The following GOLM1 variants were observed in gnomAD, a reference collection of about 807,000 sequenced individuals.
The protein encoded by GOLM1 is epididymis luminal protein 46.
Under a neutral mutation model 50.5 loss-of-function variants are expected in GOLM1, and 31 were observed. The ratio of observed to expected loss-of-function variants is 0.61; its 90% CI spans 0.46 to 0.83. The LOEUF (loss-of-function observed/expected upper bound fraction) is 0.83, where lower values mean the gene tolerates loss of function less well. Among genes scored for constraint, GOLM1 ranks in the 40% least tolerant of loss-of-function variants. The pLI, the probability that GOLM1 is intolerant of heterozygous loss-of-function variation, is 0.00. For synonymous variants in GOLM1, 178 were observed against 192.8 expected, an observed-to-expected ratio of 0.92 and a Z score of 0.64; for missense variants, 491 against 501.3, an observed-to-expected ratio of 0.98 and a Z score of 0.20.
chr9:86,026,618 G>A lies in GOLM1; in HGVS notation c.*1199C>T, dbSNP rs1587687406. ...GATCCTCCTACTTACCCCTTAGAGA[G>A]CCTTACTGGGAAGTCAGTCATTAAT... On this transcript the variant is annotated 3_prime_UTR_variant, in exon 10 of 10. Coordinates refer to ENST00000388712, the MANE Select transcript of GOLM1 (RefSeq NM_016548.4). The A allele has an allele frequency of 1.0e-6, 1 of 983,026 alleles. No individual in the cohort carries two copies. Among genetic ancestry groups the A allele is most frequent in the Non-Finnish European group, 1.2e-6 (1 of 827,794 alleles). The allele number at this position is 983,026 out of a possible 1,614,324, so 60.9% of individuals were successfully genotyped here.
intron 3 of GOLM1, among the ~76,000 whole-genome samples, chr9:86,061,177 A>AAC (rs773745249): frequency 2.6e-5 from 4 of 152,188 alleles, no homozygotes; most frequent in Non-Finnish European, 5.9e-5. Context: ...ACAATCAGCC[A>AAC]ACACACACAG....
At chr9:86,073,914 G>A (rs745844114) in intron 3 of GOLM1, among the ~76,000 whole-genome samples, 5 of 152,134 alleles carry the variant, frequency 3.3e-5, no homozygotes, top group African/African-American at 4.8e-5. Context: ...ATCAGACAGG[G>A]CCTACCCAAA....
chr9:86,040,718 T>A, intron 6 of GOLM1, 21 bp downstream of exon 6: 1 of 1,603,842 alleles, frequency 6.2e-7, no homozygotes, highest in South Asian at 1.1e-5. Context: ...TAGAAACTCT[T>A]GGCAAAAATT....
In GOLM1 at chr9:86,026,565, C is replaced by T; in HGVS notation, c.*1252G>A. 2 of 918,162 alleles carry T rather than the reference C, an allele frequency of 2.2e-6. No homozygotes were observed. Among genetic ancestry groups the T allele is most frequent in the Non-Finnish European group, 2.6e-6 (2 of 768,610 alleles). 56.9% of individuals were successfully genotyped at this position (918,162 alleles called of 1,614,324 possible). ...ATAAGAGGGTTGGATCAAACGATCT[C>T]TGGGGCCTTAGCATCTCAAATCCTG... is the stretch of plus-strand genomic sequence containing the variant. On this transcript the variant is annotated 3_prime_UTR_variant, in exon 10 of 10. Transcript: ENST00000388712.
chr9:86,065,781 C>T (rs1834291428), intron 3 of GOLM1, among the ~76,000 whole-genome samples: 1 of 152,186 alleles, frequency 6.6e-6, no homozygotes, highest in Non-Finnish European at 1.5e-5. Context: ...GTGGCACACA[C>T]CTGTAACCCC....
chr9:86,027,592 A>G lies in GOLM1; in HGVS notation c.*225T>C. On this transcript the variant is annotated 3_prime_UTR_variant, in exon 10 of 10. Transcript: ENST00000388712. ...AACTTCTCACGAAATACCTACTACCAAAAATTGTGACACCTTATTAGACAC... is the reference window on the plus strand; with the variant it reads ...AACTTCTCACGAAATACCTACTACCGAAAATTGTGACACCTTATTAGACAC... 3.1e-6 allele frequency: 4 copies of G among 1,308,940 alleles called. No homozygotes were observed. The highest frequency in any genetic ancestry group is 3.2e-5 in the East Asian group (1 of 31,656). The allele number at this position is 1,308,940 out of a possible 1,614,324, so 81.1% of individuals were successfully genotyped here. A position where few individuals can be genotyped will look rare whatever the true frequency, so the allele number is the denominator to read the frequency against.
intron 8 of GOLM1, among the ~76,000 whole-genome samples, chr9:86,034,836 C>T (rs1564340368): frequency 2.0e-5 from 3 of 152,028 alleles, no homozygotes; most frequent in South Asian, 2.1e-4. Flanking sequence ...CTGGAATAGT[C>T]GGTTGATCTC....
chr9:86,083,649 A>G (rs1163748864), intron 1 of GOLM1, among the ~76,000 whole-genome samples: 6 of 152,184 alleles, frequency 3.9e-5, no homozygotes, highest in Non-Finnish European at 8.8e-5. Flanking sequence ...CGGCCTCCCA[A>G]AGTGCTGGGA....
At chr9:86,082,629 T>C (rs7022264) in intron 1 of GOLM1, among the ~76,000 whole-genome samples, 36,418 of 151,516 alleles carry the variant, frequency 0.24, 7,410 homozygotes, top group African/African-American at 0.53. Flanking sequence ...TTTGTAGAGA[T>C]GGGGTCTCAC....
At chr9:86,090,243 G>A (rs999028091) in intron 1 of GOLM1, among the ~76,000 whole-genome samples, 3 of 152,176 alleles carry the variant, frequency 2.0e-5, no homozygotes, top group Admixed American at 6.5e-5. Flanking sequence ...ACTTGAAGAG[G>A]CAGTCTGTCC....
At chr9:86,063,560 A>C (rs1488130419) in intron 3 of GOLM1, among the ~76,000 whole-genome samples, 1 of 152,240 alleles carries the variant, frequency 6.6e-6, no homozygotes, top group Non-Finnish European at 1.5e-5. Flanking sequence ...GTTCTTAAAC[A>C]TGAATGACTG....
intron 2 of GOLM1, among the ~76,000 whole-genome samples, chr9:86,078,785 CA>C (rs1183154567): frequency 1.3e-5 from 2 of 152,202 alleles, no homozygotes; most frequent in Non-Finnish European, 2.9e-5. Context: ...CCTTTAAAAA[CA>C]TATTTCTTAC....
upstream of GOLM1, chr9:86,100,080 G>A (rs62571481): frequency 0.43 from 65,625 of 152,142 alleles, 16,064 homozygotes; most frequent in Non-Finnish European, 0.57. Context: ...TCTCGCCTCG[G>A]TTGTCACCGC....
At chr9:86,035,896 A>C (rs1362226082) in intron 7 of GOLM1, among the ~76,000 whole-genome samples, 1 of 150,266 alleles carries the variant, frequency 6.7e-6, no homozygotes, top group African/African-American at 2.5e-5. Flanking sequence ...AAAAAAAAAA[A>C]CACCTGGACT....
chr9:86,048,777 C>T (rs901663787), intron 4 of GOLM1, among the ~76,000 whole-genome samples: 6 of 152,132 alleles, frequency 3.9e-5, no homozygotes, highest in Non-Finnish European at 8.8e-5. Flanking sequence ...TGGATATTAG[C>T]TCTTTGTCAG....
intron 6 of GOLM1, chr9:86,036,830 A>C: frequency 3.5e-6 from 1 of 287,422 alleles, no homozygotes; most frequent in Non-Finnish European, 6.4e-6. Context: ...ACGACACAAT[A>C]CTCCTTGACG....
At chr9:86,091,623 A>G (rs1478527296) in intron 1 of GOLM1, among the ~76,000 whole-genome samples, 1 of 152,180 alleles carries the variant, frequency 6.6e-6, no homozygotes, top group Non-Finnish European at 1.5e-5. Context: ...CAGTGGTACA[A>G]TCATGGCTCA....
intron 3 of GOLM1, among the ~76,000 whole-genome samples, chr9:86,053,607 T>TGC (rs1564347443): frequency 3.3e-4 from 1 of 3,008 alleles, no homozygotes; most frequent in Non-Finnish European, 8.7e-4. Flanking sequence ...CACACACACA[T>TGC]CACACACCAC....
At chr9:86,046,975 A>G (rs1314370290) in intron 4 of GOLM1, among the ~76,000 whole-genome samples, 2 of 141,350 alleles carry the variant, frequency 1.4e-5, no homozygotes, top group Non-Finnish European at 3.0e-5. Context: ...TTCCATCTGT[A>G]AAACACTGAT....
Sources: allele counts gnomAD v4.1 joint callset (sites outside exome capture counted in the v4.1 genomes callset), GRCh38; gene constraint gnomAD v4.1.1; transcripts MANE v1.5; gene names NCBI Gene and HGNC (gene_info 2026-07-23, HGNC 2026-07-21).